Variants in PLA2R1 observed in about 807,000 individuals in gnomAD.
PLA2R1 encodes phospholipase A2 receptor 1, also known as secretory phospholipase A2 receptor.
PLA2R1 carries 158 observed loss-of-function variants against 195.9 expected under a neutral mutation model. The observed-to-expected ratio is 0.81, with a 90% CI of 0.71 to 0.92. The LOEUF (loss-of-function observed/expected upper bound fraction) is 0.92, where lower values mean the gene tolerates loss of function less well. Among genes scored for constraint, PLA2R1 ranks in the 40% least tolerant of loss-of-function variants. The pLI is 0.00. For missense variants in PLA2R1, 1,626 were observed against 1,764.6 expected (o/e 0.92, Z 1.41); for synonymous variants, 586 against 598.2 (o/e 0.98, Z 0.30).
chr2:160,016,858 G>C, intron 8 of PLA2R1, 146 bp from the exon 9 acceptor site: 1 of 602,050 alleles, frequency 1.7e-6, no homozygotes, highest in Admixed American at 2.9e-5. Context: ...TCACGGAAAG[G>C]GTTGACACTT....
Position 160,033,054 on chromosome 2 carries a change from G to A in PLA2R1, c.746C>T (p.Ser249Leu). The A allele has an allele frequency of 1.9e-6, 3 of 1,613,368 alleles. No individual in the cohort carries two copies. The South Asian group carries it at 3.3e-5, about 18-fold the overall frequency. ...ATGTGCCTCACTCCAAGAGAGAGAT[G>A]AAAGCAGGTTGAACTGGTAGCAAAT... Reference protein sequence around the residue: ...SHICYQFNLLSSLSWSEAHSS... With the variant: ...SHICYQFNLLLSLSWSEAHSS... Residue 249 changes from serine to leucine, a missense_variant, in exon 4 of 30, where the codon TCA (serine) becomes TTA (leucine). Physicochemically the swap from Ser to Leu is moderately radical, Grantham distance 145. Coordinates refer to ENST00000283243, the MANE Select transcript of PLA2R1 (RefSeq NM_007366.5).
chr2:160,030,965 T>C (rs1259650414), intron 4 of PLA2R1, among the ~76,000 whole-genome samples: 7 of 152,224 alleles, frequency 4.6e-5, no homozygotes, highest in African/African-American at 1.2e-4. Flanking sequence ...GCAGTTAAGA[T>C]AGATAATTGT....
At chr2:160,033,715 T>C (rs1362199284) in intron 3 of PLA2R1, among the ~76,000 whole-genome samples, 1 of 152,220 alleles carries the variant, frequency 6.6e-6, no homozygotes, top group African/African-American at 2.4e-5. Context: ...GAAGATTGCA[T>C]AGTGTGCTCA....
chr2:160,055,467 G>A (rs964756453), intron 1 of PLA2R1, among the ~76,000 whole-genome samples: 1 of 152,198 alleles, frequency 6.6e-6, no homozygotes, highest in African/African-American at 2.4e-5. Context: ...TCTGCTTTAG[G>A]AAAATATCAC....
chr2:160,029,404 C>A (rs1693719658), intron 4 of PLA2R1, among the ~76,000 whole-genome samples: 1 of 151,772 alleles, frequency 6.6e-6, no homozygotes, highest in Non-Finnish European at 1.5e-5. Flanking sequence ...AGTGTGACAG[C>A]CACCAGGAGA....
downstream of PLA2R1, among the ~76,000 whole-genome samples, chr2:159,929,454 C>A (rs138146451): frequency 9.3e-4 from 141 of 152,118 alleles, no homozygotes; most frequent in African/African-American, 3.3e-3. Flanking sequence ...AATGTGATAC[C>A]ACTTTACTCC....
chr2:159,993,990 T>G (rs1280077574), intron 11 of PLA2R1, among the ~76,000 whole-genome samples: 1 of 152,022 alleles, frequency 6.6e-6, no homozygotes, highest in African/African-American at 2.4e-5. Context: ...TAGCTTTTTA[T>G]AGGACTATCC....
chr2:159,951,307 T>G (rs756706016), intron 24 of PLA2R1, 33 bp downstream of exon 24: 2 of 1,205,740 alleles, frequency 1.7e-6, no homozygotes, highest in South Asian at 2.5e-5. Flanking sequence ...ACTTAATTAT[T>G]CAAGGATGTC....
intron 14 of PLA2R1, among the ~76,000 whole-genome samples, chr2:159,979,168 G>A (rs766981290): frequency 2.6e-4 from 39 of 152,102 alleles, no homozygotes; most frequent in Admixed American, 5.2e-4. Context: ...TTCATGTGCC[G>A]TAGGATGGAT....
chr2:159,951,667 T>A, intron 23 of PLA2R1, 89 bp from the exon 24 acceptor site: 1 of 724,178 alleles, frequency 1.4e-6, no homozygotes, highest in East Asian at 2.5e-5. Context: ...GTCACTATGA[T>A]CCATGTTGAT....
At chr2:160,006,590 A>C (rs1383286865) in intron 10 of PLA2R1, among the ~76,000 whole-genome samples, 1 of 152,234 alleles carries the variant, frequency 6.6e-6, no homozygotes, top group Non-Finnish European at 1.5e-5. Flanking sequence ...ATGCACACCT[A>C]CTAAGAAAAA....
chr2:159,989,470 A>C (rs184092428), intron 11 of PLA2R1, among the ~76,000 whole-genome samples: 266 of 152,332 alleles, frequency 1.7e-3, no homozygotes, highest in Non-Finnish European at 2.5e-3. Context: ...TGGAAACTCC[A>C]GTTACTGCAC....
At chr2:160,022,301 A>G (rs1470988709) in intron 7 of PLA2R1, among the ~76,000 whole-genome samples, 2 of 151,962 alleles carry the variant, frequency 1.3e-5, no homozygotes, top group Non-Finnish European at 2.9e-5. Flanking sequence ...TTATTTGCCT[A>G]AGGGGTTCCC....
intron 11 of PLA2R1, among the ~76,000 whole-genome samples, chr2:159,988,599 G>A (rs747017053): frequency 2.0e-5 from 3 of 152,192 alleles, no homozygotes; most frequent in Non-Finnish European, 2.9e-5. Context: ...GGAGAAATGA[G>A]TTTTCAAGGC....
At chr2:160,048,163 A>G (rs1258214682) in intron 1 of PLA2R1, among the ~76,000 whole-genome samples, 1 of 152,226 alleles carries the variant, frequency 6.6e-6, no homozygotes, top group Non-Finnish European at 1.5e-5. Flanking sequence ...AAATTAATAA[A>G]TGTTAAGAGA....
At position 159,955,182 on chromosome 2, in the gene PLA2R1, A is replaced by T. The variant is rs1162462980; in HGVS notation, c.3301+17T>A. 6.3e-7 allele frequency: 1 copy of T among 1,591,900 alleles called. No homozygotes were observed. Among genetic ancestry groups the T allele is most frequent in the South Asian group, 1.1e-5 (1 of 88,098 alleles). On this transcript the variant is annotated intron_variant, in intron 23 of 29. Transcript: ENST00000283243. ...GACTTTGGAAATGAAAGGAATAAAA[A>T]CCCAAATATTTCTTACCTTGCATTT... is the stretch of plus-strand genomic sequence containing the variant.
At chr2:159,975,929 C>A in intron 17 of PLA2R1, 139 bp downstream of exon 17, 1 of 700,010 alleles carries the variant, frequency 1.4e-6, no homozygotes, top group Non-Finnish European at 2.4e-6. Context: ...AAATCTATGG[C>A]TTTACTGAAA....
chr2:159,959,651 T>C (rs1455994570), intron 20 of PLA2R1, among the ~76,000 whole-genome samples: 1 of 152,176 alleles, frequency 6.6e-6, no homozygotes. Context: ...TATTTGGAAA[T>C]GAAATTCAGT....
chr2:159,925,074 C>T, the PLA2R1 span, among the ~76,000 whole-genome samples: 1 of 152,108 alleles, frequency 6.6e-6, no homozygotes, highest in Non-Finnish European at 1.5e-5. Context: ...TTATATCTGC[C>T]CCCTTTCCCC....
Sources: gnomAD v4.1 joint callset for allele counts (sites outside exome capture counted in the v4.1 genomes callset) on GRCh38, gnomAD v4.1.1 for gene constraint, MANE v1.5 for transcripts, NCBI Gene and HGNC (gene_info 2026-07-23, HGNC 2026-07-21) for gene names.